Variants in WDR41 observed in about 807,000 individuals in gnomAD.
WDR41 encodes the protein WD repeat-containing protein 41.
A neutral mutation model predicts 69.3 loss-of-function variants in WDR41; 63 were observed. That is an observed-to-expected ratio of 0.91 (90% CI 0.74 to 1.12). The LOEUF is 1.12. Ranked by LOEUF, WDR41 falls within the 50% of genes most tolerant of loss-of-function variation. The pLI, the probability that WDR41 is intolerant of heterozygous loss-of-function variation, is 0.00. For synonymous variants in WDR41, 185 were observed against 192.1 expected (o/e 0.96, Z 0.31); for missense variants, 543 against 534.5 (o/e 1.02, Z -0.16).
At chr5:77,574,240 G>A (rs776772266) in intron 1 of WDR41, among the ~76,000 whole-genome samples, 3 of 152,144 alleles carry the variant, frequency 2.0e-5, no homozygotes, top group Non-Finnish European at 4.4e-5. Flanking sequence ...GAAGGGTGCA[G>A]TGAGCCGAGA....
intron 2 of WDR41, among the ~76,000 whole-genome samples, chr5:77,473,895 G>C (rs1301835554): frequency 6.6e-6 from 1 of 152,150 alleles, no homozygotes; most frequent in Non-Finnish European, 1.5e-5. Context: ...CAGGGATCTA[G>C]AACTAGAAAT....
chr5:77,566,106 A>C (rs1743622160), intron 1 of WDR41, among the ~76,000 whole-genome samples: 2 of 152,124 alleles, frequency 1.3e-5, no homozygotes, highest in Non-Finnish European at 2.9e-5. Context: ...TTTGAATTTC[A>C]GTTCTTCCTC....
chr5:77,550,970 A>G (rs925255646), intron 1 of WDR41, among the ~76,000 whole-genome samples: 1 of 152,202 alleles, frequency 6.6e-6, no homozygotes, highest in Non-Finnish European at 1.5e-5. Flanking sequence ...CAAATACCAC[A>G]GGTTCTCACT....
At chr5:77,576,263 T>G (rs79285523) in intron 1 of WDR41, among the ~76,000 whole-genome samples, 3,648 of 152,206 alleles carry the variant, frequency 0.024, 133 homozygotes, top group African/African-American at 0.073. Flanking sequence ...GTCCTTTCCC[T>G]TACATATTAA....
At chr5:77,570,101 A>G (rs960776088) in intron 1 of WDR41, among the ~76,000 whole-genome samples, 5 of 152,302 alleles carry the variant, frequency 3.3e-5, no homozygotes, top group African/African-American at 1.2e-4. Flanking sequence ...CTAGATAAAA[A>G]TAAGTATCAG....
At chr5:77,563,723 T>C (rs1297461103) in intron 1 of WDR41, among the ~76,000 whole-genome samples, 1 of 152,178 alleles carries the variant, frequency 6.6e-6, no homozygotes, top group Non-Finnish European at 1.5e-5. Flanking sequence ...TGGTACTTCT[T>C]GGATGGGGAA....
intron 4 of WDR41, among the ~76,000 whole-genome samples, chr5:77,459,905 A>G (rs991050940): frequency 1.3e-5 from 2 of 152,214 alleles, no homozygotes; most frequent in Non-Finnish European, 2.9e-5. Context: ...TTCTAAGTGG[A>G]AAATATCCTA....
intron 1 of WDR41, among the ~76,000 whole-genome samples, chr5:77,524,539 C>G (rs920212398): frequency 2.0e-5 from 3 of 152,166 alleles, no homozygotes; most frequent in African/African-American, 7.2e-5. Context: ...CTGCAGTGAG[C>G]TATAACTGGG....
At chr5:77,468,825 T>A (rs932977574) in intron 2 of WDR41, among the ~76,000 whole-genome samples, 2 of 152,188 alleles carry the variant, frequency 1.3e-5, no homozygotes, top group East Asian at 3.8e-4. Flanking sequence ...ACAGTTTCCA[T>A]GATCATCTCA....
At chr5:77,596,179 C>T (rs1463040924) in intron 1 of WDR41, among the ~76,000 whole-genome samples, 3 of 152,166 alleles carry the variant, frequency 2.0e-5, no homozygotes, top group Non-Finnish European at 4.4e-5. Context: ...GACAGAGTCT[C>T]ACTCTGTTGC....
upstream of WDR41, among the ~76,000 whole-genome samples, chr5:77,496,104 A>G (rs913898505): frequency 2.0e-5 from 3 of 152,078 alleles, no homozygotes; most frequent in Non-Finnish European, 4.4e-5. Flanking sequence ...CCAGAAATAG[A>G]GGGGAAATTC....
At chr5:77,466,163 AAG>A (rs144217948) in intron 2 of WDR41, among the ~76,000 whole-genome samples, 4,847 of 152,058 alleles carry the variant, frequency 0.032, 201 homozygotes, top group South Asian at 0.19. Flanking sequence ...AAAAATCACA[AAG>A]AGTTATTTTT....
At chr5:77,607,801 A>C (rs567863393) in intron 1 of WDR41, among the ~76,000 whole-genome samples, 1 of 152,236 alleles carries the variant, frequency 6.6e-6, no homozygotes, top group Non-Finnish European at 1.5e-5. Flanking sequence ...AGTGGATTTT[A>C]AAATACTTTT....
chr5:77,596,599 C>G (rs1227093213), intron 1 of WDR41, among the ~76,000 whole-genome samples: 1 of 152,032 alleles, frequency 6.6e-6, no homozygotes, highest in Admixed American at 6.6e-5. Flanking sequence ...TTGGCTCAAG[C>G]TATCCTCCTG....
intron 1 of WDR41, among the ~76,000 whole-genome samples, chr5:77,610,129 C>T (rs1283106230): frequency 1.3e-5 from 2 of 152,190 alleles, no homozygotes; most frequent in African/African-American, 4.8e-5. Context: ...AAGAAATGAA[C>T]AAAGCCTCCA....
intron 1 of WDR41, among the ~76,000 whole-genome samples, chr5:77,519,874 C>T (rs957572905): frequency 6.6e-6 from 1 of 150,962 alleles, no homozygotes; most frequent in Non-Finnish European, 1.5e-5. Flanking sequence ...CCTTGGATTG[C>T]TCATTGAAAA....
chr5:77,486,457 G>A (rs1457327068), intron 2 of WDR41, among the ~76,000 whole-genome samples: 2 of 152,160 alleles, frequency 1.3e-5, no homozygotes, highest in African/African-American at 4.8e-5. Context: ...TTAGCAATAG[G>A]ACTTAGTTAC....
At chr5:77,458,005 A>T (rs535722550) in intron 5 of WDR41, among the ~76,000 whole-genome samples, 2 of 152,132 alleles carry the variant, frequency 1.3e-5, no homozygotes, top group African/African-American at 4.8e-5. Context: ...AATACATTAA[A>T]TTTTTTTCTC....
At chr5:77,478,005 C>T (rs1186664483) in intron 2 of WDR41, among the ~76,000 whole-genome samples, 5 of 151,872 alleles carry the variant, frequency 3.3e-5, no homozygotes, top group Non-Finnish European at 5.9e-5. Flanking sequence ...CACCACTGAT[C>T]CCACAGAAAT....
Sources: allele counts gnomAD v4.1 joint callset (sites outside exome capture counted in the v4.1 genomes callset), GRCh38; gene constraint gnomAD v4.1.1; transcripts MANE v1.5; gene names NCBI Gene and HGNC (gene_info 2026-07-23, HGNC 2026-07-21).